ANKRD11: variants seen among roughly 807,000 people sequenced by gnomAD.
ANKRD11 encodes the protein ankyrin repeat domain-containing protein 11.
A neutral mutation model predicts 195.7 loss-of-function variants in ANKRD11; 17 were observed. The observed-to-expected ratio is 0.09, with a 90% CI of 0.06 to 0.13. ANKRD11 has a LOEUF of 0.13. Ranked by LOEUF, ANKRD11 falls within the 10% of genes least tolerant of loss-of-function variation. The pLI, the probability that ANKRD11 is intolerant of heterozygous loss-of-function variation, is 1.00. For missense variants in ANKRD11, 3,735 were observed against 3,566.1 expected, an observed-to-expected ratio of 1.05 and a Z score of -1.21; for synonymous variants, 1,953 against 1,528.1, an observed-to-expected ratio of 1.28 and a Z score of -6.49.
intron 2 of ANKRD11, among the ~76,000 whole-genome samples, chr16:89,390,776 T>G (rs1353614651): frequency 1.3e-5 from 2 of 152,120 alleles, no homozygotes; most frequent in Non-Finnish European, 2.9e-5. Context: ...CTGCTGGTAA[T>G]GGTTGTCTAA....
At chr16:89,453,477 T>C (rs1256232141) in intron 1 of ANKRD11, among the ~76,000 whole-genome samples, 1 of 152,148 alleles carries the variant, frequency 6.6e-6, no homozygotes, top group Non-Finnish European at 1.5e-5. Context: ...TCCCAGACAC[T>C]ATTACAAGCC....
At chr16:89,409,366 T>G (rs2042030423) in intron 2 of ANKRD11, among the ~76,000 whole-genome samples, 1 of 151,954 alleles carries the variant, frequency 6.6e-6, no homozygotes, top group Non-Finnish European at 1.5e-5. Flanking sequence ...TCAACAGGGG[T>G]GGGGTGGGAA....
chr16:89,375,304 T>C (rs1457398386), intron 2 of ANKRD11, among the ~76,000 whole-genome samples: 1 of 152,204 alleles, frequency 6.6e-6, no homozygotes, highest in Non-Finnish European at 1.5e-5. Flanking sequence ...ATCTCAAGCC[T>C]TAAGCTAGTT....
At chr16:89,443,737 A>G (rs2043641305) in intron 1 of ANKRD11, among the ~76,000 whole-genome samples, 1 of 152,218 alleles carries the variant, frequency 6.6e-6, no homozygotes, top group South Asian at 2.1e-4. Context: ...ACATGTAAAG[A>G]TACACAAGCT....
chr16:89,384,879 CTTTTTTTTTTTTTT>C (rs869271846), intron 2 of ANKRD11, among the ~76,000 whole-genome samples: 2 of 49,942 alleles, frequency 4.0e-5, no homozygotes, highest in Admixed American at 3.6e-4. Flanking sequence ...AAATAGTTTT[CTTTTTTTTTTTTTT>C]TTTTTTTTTT....
At chr16:89,374,781 G>A (rs1329891270) in intron 2 of ANKRD11, among the ~76,000 whole-genome samples, 5 of 152,204 alleles carry the variant, frequency 3.3e-5, no homozygotes, top group Non-Finnish European at 7.3e-5. Context: ...GGACACACAC[G>A]TGTGCACAGA....
At chr16:89,392,820 G>A (rs1241570291) in intron 2 of ANKRD11, 1 of 149,954 alleles carries the variant, frequency 6.7e-6, no homozygotes, top group Admixed American at 6.7e-5. Context: ...ACTAGGTTAG[G>A]AAAAAAGAAA....
At chr16:89,477,961 A>C (rs1359691288) in intron 1 of ANKRD11, among the ~76,000 whole-genome samples, 2 of 152,186 alleles carry the variant, frequency 1.3e-5, no homozygotes, top group Admixed American at 1.3e-4. Flanking sequence ...CATCTCAAAA[A>C]TAATAACAAA....
At chr16:89,316,822 GAGGAAA>G in intron 3 of ANKRD11, 105 bp downstream of exon 3, 1 of 1,323,162 alleles carries the variant, frequency 7.6e-7, no homozygotes. Flanking sequence ...ACAGAGGCAC[GAGGAAA>G]GGGCCGGAGG....
At chr16:89,366,580 T>C (rs1159141506) in intron 2 of ANKRD11, among the ~76,000 whole-genome samples, 2 of 152,234 alleles carry the variant, frequency 1.3e-5, no homozygotes, top group East Asian at 3.8e-4. Flanking sequence ...TCAGCTGGTT[T>C]CCACTCGCTG....
chr16:89,434,471 C>A (rs901240260), intron 1 of ANKRD11, among the ~76,000 whole-genome samples: 1 of 152,230 alleles, frequency 6.6e-6, no homozygotes, highest in Non-Finnish European at 1.5e-5. Context: ...GAAGTCGCTG[C>A]AGCCAGGAGG....
chr16:89,475,961 T>C (rs990332578), intron 1 of ANKRD11, among the ~76,000 whole-genome samples: 33 of 149,964 alleles, frequency 2.2e-4, no homozygotes, highest in African/African-American at 8.1e-4. Context: ...CTGAGGCAGA[T>C]GAAGTGCTTG....
intron 1 of ANKRD11, among the ~76,000 whole-genome samples, chr16:89,434,025 G>A (rs1373714215): frequency 4.6e-5 from 7 of 152,158 alleles, no homozygotes; most frequent in Non-Finnish European, 1.0e-4. Context: ...CTGAGAAGAT[G>A]CCCCTAGTGT....
intron 2 of ANKRD11, among the ~76,000 whole-genome samples, chr16:89,390,604 G>C (rs903731635): frequency 6.6e-6 from 1 of 152,092 alleles, no homozygotes. Flanking sequence ...ACATCACAGA[G>C]GTGAAAAGAA....
chr16:89,452,634 G>A (rs974514419), intron 1 of ANKRD11, among the ~76,000 whole-genome samples: 1 of 151,866 alleles, frequency 6.6e-6, no homozygotes, highest in Non-Finnish European at 1.5e-5. Context: ...AAAATTAGCC[G>A]AGTGTGGTGG....
Position 89,313,565 on chromosome 16 carries a change from G to A in ANKRD11, c.87+3368C>T, listed in dbSNP as rs1013066585. 3.1e-6 allele frequency: 4 copies of A among 1,289,050 alleles called. No homozygotes were observed. In the African/African-American group the frequency reaches 6.1e-5, roughly 20 times the overall value. 79.9% of individuals were successfully genotyped at this position (1,289,050 alleles called of 1,614,324 possible). A position where few individuals can be genotyped will look rare whatever the true frequency, so the allele number is the denominator to read the frequency against. On this transcript the variant is annotated intron_variant, in intron 3 of 12. Transcript: ENST00000301030. ...TTCCATCTTCCACGTATATGTCACT[G>A]AGATCACGATTCTTTTGGAAAAATC...
chr16:89,367,106 C>G (rs533102340), intron 2 of ANKRD11, among the ~76,000 whole-genome samples: 72 of 152,322 alleles, frequency 4.7e-4, no homozygotes, highest in African/African-American at 1.7e-3. Context: ...CCGAGACTCA[C>G]CGGATACTCA....
intron 2 of ANKRD11, among the ~76,000 whole-genome samples, chr16:89,367,893 A>G (rs1326695401): frequency 6.6e-6 from 1 of 151,978 alleles, no homozygotes; most frequent in African/African-American, 2.4e-5. Context: ...GGTACCGGCT[A>G]CTCCAGAGGC....
chr16:89,466,198 C>A (rs574569675), intron 1 of ANKRD11, among the ~76,000 whole-genome samples: 1 of 152,074 alleles, frequency 6.6e-6, no homozygotes. Flanking sequence ...AACGAGCCCC[C>A]ACCTGCTGAC....
Sources: gnomAD v4.1 joint callset for allele counts (sites outside exome capture counted in the v4.1 genomes callset) on GRCh38, gnomAD v4.1.1 for gene constraint, MANE v1.5 for transcripts, NCBI Gene and HGNC (gene_info 2026-07-23, HGNC 2026-07-21) for gene names.